The following ATP1A1 variants were observed in gnomAD, a reference collection of about 807,000 sequenced individuals.
ATP1A1 encodes the protein sodium/potassium-transporting ATPase subunit alpha-1.
ATP1A1 carries 14 observed loss-of-function variants against 114.8 expected under a neutral mutation model. The observed-to-expected ratio is 0.12, with a 90% CI of 0.08 to 0.19. ATP1A1 has a LOEUF of 0.19. Among genes scored for constraint, ATP1A1 ranks in the 10% least tolerant of loss-of-function variants. The probability of loss-of-function intolerance (pLI) is 1.00; values close to 1 mark genes in which losing one functional copy is unlikely to be tolerated. For synonymous variants in ATP1A1, 471 were observed against 466.3 expected (o/e 1.01, Z -0.13); for missense variants, 524 against 1,290.7 (o/e 0.41, Z 9.10).
intron 1 of ATP1A1, among the ~76,000 whole-genome samples, chr1:116,375,487 A>G (rs1443474300): frequency 6.6e-6 from 1 of 152,252 alleles, no homozygotes; most frequent in African/African-American, 2.4e-5. Flanking sequence ...GTGGTAACCC[A>G]CCTGAATAGT....
intron 13 of ATP1A1, among the ~76,000 whole-genome samples, chr1:116,396,355 A>C (rs769595835): frequency 3.3e-5 from 5 of 149,990 alleles, no homozygotes; most frequent in Admixed American, 6.7e-5. Flanking sequence ...AAAAATAGAC[A>C]TTGTGTATGC....
rs148673164 is a variant in ATP1A1 at position 116,387,762 on chromosome 1, G to A, written c.387+271G>A. 2.6e-5 allele frequency among the ~76,000 whole-genome samples: 4 copies of A among 152,332 alleles called. No individual in the cohort carries two copies. The highest frequency in any genetic ancestry group is 3.9e-4 in the East Asian group (2 of 5,182). ...AGGCAGCTCTGCTCAGGCCCCGGCC[G>A]CCACCCACTGGATGGCAGAGCACAG... On this transcript the variant is annotated intron_variant, in intron 4 of 22. Coordinates refer to ENST00000295598, the MANE Select transcript of ATP1A1 (RefSeq NM_000701.8). This position sits in a 1 kb window ranked among gnomAD's most constrained non-coding sequence, Gnocchi z 6.7.
intron 1 of ATP1A1, 83 bp from the exon 2 acceptor site, chr1:116,383,931 T>C (rs1190415286): frequency 8.4e-7 from 1 of 1,186,266 alleles, no homozygotes; most frequent in African/African-American, 1.5e-5. Flanking sequence ...CCTTAAAAAC[T>C]ACCAAAATCC....
intron 12 of ATP1A1, among the ~76,000 whole-genome samples, chr1:116,394,860 C>G (rs563359993): frequency 6.6e-6 from 1 of 152,322 alleles, no homozygotes; most frequent in African/African-American, 2.4e-5. Context: ...GTCTTCTCCA[C>G]ATTAAACAAT....
intron 18 of ATP1A1, 47 bp from the exon 19 acceptor site, chr1:116,400,814 A>AC: frequency 6.2e-7 from 1 of 1,603,696 alleles, no homozygotes; most frequent in Non-Finnish European, 8.5e-7. Context: ...CTATACAGGT[A>AC]CCCTTGTGTG....
Position 116,398,511 on chromosome 1 carries a change from T to A in ATP1A1, c.2125-110T>A, listed in dbSNP as rs76865828. The A allele has an allele frequency of 1.9e-3, 2,519 of 1,351,852 alleles. 50 individuals are homozygous for A. In the African/African-American group the frequency reaches 0.033, roughly 18 times the overall value. 83.7% of individuals were successfully genotyped at this position (1,351,852 alleles called of 1,614,324 possible). A position where few individuals can be genotyped will look rare whatever the true frequency, so the allele number is the denominator to read the frequency against. On this transcript the variant is annotated intron_variant, in intron 15 of 22. Transcript: ENST00000295598. The surrounding 1 kb of genome is among the most constrained non-coding windows in gnomAD (Gnocchi z 6.1). ...TCTCAGGCTTCATAAATAGTCTCAA[T>A]AGGAAAGGAGCAGTGTCTGTAATGA...
chr1:116,379,684 G>A (rs1651611804), intron 1 of ATP1A1, among the ~76,000 whole-genome samples: 1 of 152,186 alleles, frequency 6.6e-6, no homozygotes, highest in Non-Finnish European at 1.5e-5. Flanking sequence ...GCGAAAAATG[G>A]CAGTAATGTA....
chr1:116,393,380 A>G lies in ATP1A1; in HGVS notation c.1468-151A>G. On this transcript the variant is annotated intron_variant, in intron 11 of 22. Transcript: ENST00000295598. The surrounding 1 kb of genome is among the most constrained non-coding windows in gnomAD (Gnocchi z 5.0). ...TTTTTTTTTCTGTAGCATTCAAAGT[A>G]TGTTACAGGTGTAAGATACTTCAGA... is the stretch of plus-strand genomic sequence containing the variant. 2 of 786,162 alleles carry G rather than the reference A, an allele frequency of 2.5e-6. No individual in the cohort carries two copies. Among genetic ancestry groups the G allele is most frequent in the African/African-American group, 1.7e-5 (1 of 57,354 alleles). The allele number at this position is 786,162 out of a possible 1,614,324, so 48.7% of individuals were successfully genotyped here. A position where few individuals can be genotyped will look rare whatever the true frequency, so the allele number is the denominator to read the frequency against.
At chr1:116,382,111 T>C (rs1248800671) in intron 1 of ATP1A1, among the ~76,000 whole-genome samples, 1 of 152,184 alleles carries the variant, frequency 6.6e-6, no homozygotes, top group Non-Finnish European at 1.5e-5. Flanking sequence ...GGGCGGAGGT[T>C]GCAGTGAGCT....
intron 21 of ATP1A1, 78 bp from the exon 22 acceptor site, chr1:116,403,806 C>G: frequency 8.0e-7 from 1 of 1,249,258 alleles, no homozygotes; most frequent in Non-Finnish European, 1.1e-6. Context: ...TTCATTGTCA[C>G]TGGTGATGTG....
intron 10 of ATP1A1, 108 bp downstream of exon 10, chr1:116,390,999 T>A: frequency 1.1e-6 from 1 of 934,250 alleles, no homozygotes; most frequent in Non-Finnish European, 1.7e-6. Flanking sequence ...CTGTTCACTG[T>A]AGAACACCTG....
At chr1:116,390,719 C>A in intron 9 of ATP1A1, 63 bp from the exon 10 acceptor site, 2 of 1,347,754 alleles carry the variant, frequency 1.5e-6, no homozygotes, top group Non-Finnish European at 2.1e-6. Flanking sequence ...AATAGGAGAA[C>A]TGAGAACACA....
rs1179203009 is a variant in ATP1A1, at chr1:116,387,475, A to G, written c.371A>G (p.Glu124Gly). ...AYSIQAATEEEPQNDNLYLGV... is the reference protein window; with the variant it reads ...AYSIQAATEEGPQNDNLYLGV... ...AGCATCCAAGCTGCTACAGAAGAGG[A>G]ACCTCAAAACGATAATGTGAGTTCT... Residue 124 changes from glutamate to glycine, a missense_variant, in exon 4 of 23, where the codon GAA (glutamate) becomes GGA (glycine). Coordinates refer to ENST00000295598, the MANE Select transcript of ATP1A1 (RefSeq NM_000701.8). The surrounding 1 kb of genome is among the most constrained non-coding windows in gnomAD (Gnocchi z 6.7). The G allele has an allele frequency of 1.9e-6, 3 of 1,614,224 alleles. No homozygotes were observed. Among genetic ancestry groups the G allele is most frequent in the Non-Finnish European group, 2.5e-6 (3 of 1,180,034 alleles).
rs1298617685 is a variant in ATP1A1, at chr1:116,385,193, C to A, written c.183+351C>A. 3.9e-6 allele frequency: 1 copy of A among 257,650 alleles called. No homozygotes were observed. The highest frequency in any genetic ancestry group is 2.3e-5 in the African/African-American group (1 of 42,756). 16.0% of individuals were successfully genotyped at this position (257,650 alleles called of 1,614,324 possible). A position where few individuals can be genotyped will look rare whatever the true frequency, so the allele number is the denominator to read the frequency against. On this transcript the variant is annotated intron_variant, in intron 3 of 22. Coordinates refer to ENST00000295598, the MANE Select transcript of ATP1A1 (RefSeq NM_000701.8). This position sits in a 1 kb window ranked among gnomAD's most constrained non-coding sequence, Gnocchi z 4.3. ...CTACATTTGTTAAATAGAGTTGAAT[C>A]TTTCACCTAGTTGAATCTTCAACAA...
At chr1:116,374,090 C>T in intron 1 of ATP1A1, 1 of 1,442,224 alleles carries the variant, frequency 6.9e-7, no homozygotes, top group Non-Finnish European at 9.2e-7. Context: ...GTTCGGGGCT[C>T]CTTCTCCTGG....
rs1342032427 is a variant in ATP1A1 at position 116,401,034 on chromosome 1, T to C, written c.2718+28T>C. ...GAGTGGGCACCTCTGACCTGACCAG[T>C]GTCAGAGCTCCTCAAGCCCCAGAAG... On this transcript the variant is annotated intron_variant, in intron 19 of 22. Coordinates refer to ENST00000295598, the MANE Select transcript of ATP1A1 (RefSeq NM_000701.8). This position sits in a 1 kb window ranked among gnomAD's most constrained non-coding sequence, Gnocchi z 4.7. 1.1e-5 allele frequency: 17 copies of C among 1,613,400 alleles called. No individual in the cohort carries two copies. Among genetic ancestry groups the C allele is most frequent in the African/African-American group, 2.7e-5 (2 of 74,910 alleles).
rs747540357 is a variant in ATP1A1, at chr1:116,388,001, C to T, written c.388-130C>T. The stretch of plus-strand genomic sequence containing the variant: ...GTCTTTAGAAGGATAAATAAGAAAA[C>T]ATGAGTTCTATATTTCTGAAATCTT... On this transcript the variant is annotated intron_variant, in intron 4 of 22. Coordinates refer to ENST00000295598, the MANE Select transcript of ATP1A1 (RefSeq NM_000701.8). The surrounding 1 kb of genome is among the most constrained non-coding windows in gnomAD (Gnocchi z 5.6). 3.4e-5 allele frequency: 22 copies of T among 649,492 alleles called. No individual in the cohort carries two copies. The highest frequency in any genetic ancestry group is 1.2e-4 in the Admixed American group (4 of 32,858). The allele number at this position is 649,492 out of a possible 1,614,324, so 40.2% of individuals were successfully genotyped here. A position where few individuals can be genotyped will look rare whatever the true frequency, so the allele number is the denominator to read the frequency against.
At position 116,400,833 on chromosome 1, in the gene ATP1A1, T is replaced by TTCC. The variant is rs777059744; in HGVS notation, c.2573-28_2573-27insTCC. The TTCC allele has an allele frequency of 4.3e-6, 7 of 1,613,222 alleles. No homozygotes were observed. In the African/African-American group the frequency reaches 8.0e-5, roughly 18 times the overall value. ...ACAGGTACCCTTGTGTGTGAGGTTC[T>TTCC]AGTAATTGGGTTGTTTTCCCAACTT... On this transcript the variant is annotated intron_variant, in intron 18 of 22. Coordinates refer to ENST00000295598, the MANE Select transcript of ATP1A1 (RefSeq NM_000701.8).
intron 1 of ATP1A1, chr1:116,374,104 C>G: frequency 6.7e-7 from 1 of 1,484,418 alleles, no homozygotes; most frequent in Non-Finnish European, 9.0e-7. Flanking sequence ...CTCCTGGGGA[C>G]GCTGGGGCTT....
Sources: gnomAD v4.1 joint callset for allele counts (sites outside exome capture counted in the v4.1 genomes callset) on GRCh38, gnomAD v4.1.1 for gene constraint, Gnocchi (gnomAD v3.1) non-coding constraint, MANE v1.5 for transcripts, NCBI Gene and HGNC (gene_info 2026-07-23, HGNC 2026-07-21) for gene names.